Variants in CROT observed in about 807,000 individuals in gnomAD.
CROT encodes the protein carnitine O-octanoyltransferase.
CROT carries 84 observed loss-of-function variants against 89.2 expected under a neutral mutation model. The observed-to-expected ratio is 0.94, with a 90% CI of 0.79 to 1.13. The LOEUF (loss-of-function observed/expected upper bound fraction) is 1.13. Among genes scored for constraint, CROT ranks in the 50% most tolerant of loss-of-function variants. The pLI is 0.00. For synonymous variants in CROT, 212 were observed against 239.5 expected, an observed-to-expected ratio of 0.89 and a Z score of 1.06; for missense variants, 711 against 727.8, an observed-to-expected ratio of 0.98 and a Z score of 0.27.
intron 14 of CROT, among the ~76,000 whole-genome samples, 169 bp from the exon 15 acceptor site, chr7:87,392,397 T>C (rs75003663): frequency 0.033 from 4,948 of 152,240 alleles, 251 homozygotes; most frequent in African/African-American, 0.11. Context: ...CAGGGAAGAC[T>C]AGGCGATAGA....
Position 87,361,414 on chromosome 7 carries a change from G to A in CROT, c.265G>A (p.Ala89Thr), listed in dbSNP as rs867264477. The A allele has an allele frequency of 6.2e-7, 1 of 1,613,182 alleles. No individual in the cohort carries two copies. The highest frequency in any genetic ancestry group is 2.2e-5 in the East Asian group (1 of 44,882). Residue 89 changes from alanine to threonine, a missense_variant, in exon 5 of 18, where the codon GCC becomes ACC. By Grantham distance (58) the Ala-to-Thr change is moderately conservative. Coordinates refer to ENST00000331536, the MANE Select transcript of CROT (RefSeq NM_021151.4). ...GCTGGAAGAGTGGTGGCTGAATGTT[G>A]CCTATCTGGATGTTCGTATACCATC... is the stretch of plus-strand genomic sequence containing the variant. ...NWLEEWWLNV[A>T]YLDVRIPSQL...
At chr7:87,351,143 C>T (rs1584616958) in intron 3 of CROT, among the ~76,000 whole-genome samples, 1 of 151,654 alleles carries the variant, frequency 6.6e-6, no homozygotes, top group East Asian at 1.9e-4. Flanking sequence ...CCCGTCTCTA[C>T]TAAAAATGCA....
At chr7:87,384,539 CA>C (rs1360757880) in intron 13 of CROT, among the ~76,000 whole-genome samples, 3 of 152,080 alleles carry the variant, frequency 2.0e-5, no homozygotes, top group Non-Finnish European at 4.4e-5. Context: ...CTAACAACAA[CA>C]AAAAAGATTA....
intron 3 of CROT, among the ~76,000 whole-genome samples, chr7:87,353,759 A>T (rs573610237): frequency 1.8e-4 from 27 of 152,188 alleles, no homozygotes; most frequent in Admixed American, 2.6e-4. Flanking sequence ...AAACAACCAG[A>T]TCTGGTGTGA....
intron 6 of CROT, among the ~76,000 whole-genome samples, chr7:87,364,146 A>T (rs1323060371): frequency 6.6e-6 from 1 of 152,166 alleles, no homozygotes; most frequent in Non-Finnish European, 1.5e-5. Context: ...TGGATTCAAG[A>T]TTTGTAGTTT....
chr7:87,377,304 C>T (rs889190771), intron 9 of CROT, 45 bp from the exon 10 acceptor site: 2 of 1,204,652 alleles, frequency 1.7e-6, no homozygotes, highest in African/African-American at 3.1e-5. Context: ...TTCTTACAAA[C>T]CAATATTAAA....
In CROT at chr7:87,391,665, G is replaced by C. The variant is rs202153355; in HGVS notation, c.1378G>C (p.Val460Leu). ...GRTETMRSCT[V>L]EAVRWCQSMQ... ...TACAGAGACTATGCGATCATGCACAGTTGAAGCAGTGAGGTGGTGCCAGTC... is the reference window on the plus strand; with the variant it reads ...TACAGAGACTATGCGATCATGCACACTTGAAGCAGTGAGGTGGTGCCAGTC... The change falls in exon 14 of 18, where the codon GTT becomes CTT. Residue 460 changes from valine (V) to leucine (L), a missense_variant. Transcript: ENST00000331536. 6.8e-5 allele frequency: 110 copies of C among 1,611,724 alleles called. 1 individual carries two copies. Among genetic ancestry groups the C allele is most frequent in the South Asian group, 1.9e-4 (17 of 90,588 alleles).
At chr7:87,351,199 C>A (rs1396432755) in intron 3 of CROT, among the ~76,000 whole-genome samples, 1 of 149,676 alleles carries the variant, frequency 6.7e-6, no homozygotes, top group East Asian at 2.0e-4. Context: ...GTCCCAGCTA[C>A]TCAGGAGCCT....
chr7:87,386,639 T>C (rs542008196), intron 13 of CROT, among the ~76,000 whole-genome samples: 1 of 152,208 alleles, frequency 6.6e-6, no homozygotes, highest in Admixed American at 6.5e-5. Flanking sequence ...GATTGCTTAC[T>C]GTTGTGGACT....
At chr7:87,354,370 C>G (rs761216267) in intron 3 of CROT, 1 of 518,444 alleles carries the variant, frequency 1.9e-6, no homozygotes, top group Non-Finnish European at 3.9e-6. Flanking sequence ...ACCTGGACAT[C>G]AAACCTGATG....
intron 7 of CROT, among the ~76,000 whole-genome samples, chr7:87,374,807 G>C (rs1035948905): frequency 1.3e-5 from 2 of 152,030 alleles, no homozygotes; most frequent in Non-Finnish European, 2.9e-5. Context: ...GAATGATGAA[G>C]TCAGAACTGA....
At chr7:87,378,962 T>C (rs78633567) in intron 10 of CROT, among the ~76,000 whole-genome samples, 2 of 152,246 alleles carry the variant, frequency 1.3e-5, no homozygotes, top group Non-Finnish European at 2.9e-5. Flanking sequence ...TCATTTATTT[T>C]GAAGATGTTC....
intron 3 of CROT, among the ~76,000 whole-genome samples, chr7:87,351,308 C>CAAAAAAAAAAA (rs11295263): frequency 5.9e-5 from 4 of 67,522 alleles, no homozygotes; most frequent in East Asian, 4.4e-4. Context: ...GACTCCATCT[C>CAAAAAAAAAAA]AAAAAAAAAA....
chr7:87,382,272 C>A, intron 12 of CROT, 91 bp downstream of exon 12: 8 of 1,403,542 alleles, frequency 5.7e-6, no homozygotes, highest in Non-Finnish European at 6.9e-6. Context: ...CATGTCTGCA[C>A]AAAACATTTT....
At chr7:87,387,493 A>T (rs1320367365) in intron 13 of CROT, among the ~76,000 whole-genome samples, 1 of 151,904 alleles carries the variant, frequency 6.6e-6, no homozygotes, top group Non-Finnish European at 1.5e-5. Context: ...ACCCTTCAAC[A>T]TCATGGAGGT....
intron 4 of CROT, chr7:87,359,722 C>T (rs770509465): frequency 1.5e-5 from 15 of 1,014,320 alleles, no homozygotes; most frequent in East Asian, 1.0e-4. Flanking sequence ...GAAATATTTT[C>T]GTAGTACAAT....
intron 13 of CROT, 43 bp downstream of exon 13, chr7:87,382,586 A>G (rs749377674): frequency 2.0e-5 from 31 of 1,561,624 alleles, no homozygotes; most frequent in East Asian, 1.6e-4. Flanking sequence ...TTGAAGTCCA[A>G]GGGTATATCT....
chr7:87,398,476 T>C lies in CROT; in HGVS notation c.1719-48T>C, dbSNP rs1202585064. ...AAGTCCTGGTTGTATTCACCATCAC[T>C]ATTTGGAGCCTTTTGTGTAATCATT... On this transcript the variant is annotated intron_variant, in intron 17 of 17. Coordinates refer to ENST00000331536, the MANE Select transcript of CROT (RefSeq NM_021151.4). The C allele has an allele frequency of 4.4e-6, 7 of 1,607,742 alleles. No individual in the cohort carries two copies. The African/African-American group carries it at 9.4e-5, about 21-fold the overall frequency.
At position 87,346,646 on chromosome 7, in the gene CROT, G is replaced by T. The variant is rs570006683; in HGVS notation, c.-22+216G>T. Among the ~76,000 whole-genome samples the T allele has an allele frequency of 3.9e-5, 6 of 152,234 alleles. No individual in the cohort carries two copies. The South Asian group carries it at 1.0e-3, about 26-fold the overall frequency. ...ATAATTTATATTTTTAATGTGTACC[G>T]GTTGGTGGGTTAAGCACTATAGTGG... On this transcript the variant is annotated intron_variant, in intron 2 of 17. Coordinates refer to ENST00000331536, the MANE Select transcript of CROT (RefSeq NM_021151.4).
Sources: allele counts gnomAD v4.1 joint callset (sites outside exome capture counted in the v4.1 genomes callset), GRCh38; gene constraint gnomAD v4.1.1; transcripts MANE v1.5; gene names NCBI Gene and HGNC (gene_info 2026-07-23, HGNC 2026-07-21).